The following HMG20A variants were observed in gnomAD, a reference collection of about 807,000 sequenced individuals.
HMG20A encodes high mobility group protein 20A.
In HMG20A, 17 loss-of-function variants were observed where a neutral mutation model predicts 43.9. The ratio of observed to expected loss-of-function variants is 0.39; its 90% CI spans 0.27 to 0.58. The LOEUF is 0.58. HMG20A is among the 20% of genes least tolerant of loss of function. The probability of loss-of-function intolerance (pLI) is 0.59; values close to 1 mark genes in which losing one functional copy is unlikely to be tolerated. For synonymous variants in HMG20A, 132 were observed against 147.5 expected (o/e 0.89, Z 0.76); for missense variants, 341 against 438.2 (o/e 0.78, Z 1.98).
In HMG20A at chr15:77,465,260, CAAAAAAAAAAAAAAAA is replaced by C. The variant is rs71145837; in HGVS notation, c.237+883_237+898del. Among the ~76,000 whole-genome samples the C allele has an allele frequency of 4.1e-3, 240 of 59,232 alleles. 4 individuals carry two copies. The highest frequency in any genetic ancestry group is 0.022 in the African/African-American group (233 of 10,708). 38.9% of individuals were successfully genotyped at this position (59,232 alleles called of 152,430 possible). A position where few individuals can be genotyped will look rare whatever the true frequency, so the allele number is the denominator to read the frequency against. On this transcript the variant is annotated intron_variant, in intron 3 of 9. Coordinates refer to ENST00000336216, the MANE Select transcript of HMG20A (RefSeq NM_001304504.2). ...TGGGCTACAGAGCGAGACTTCGTCT[CAAAAAAAAAAAAAAAA>C]AAAAAAAAAGAAAGAAAAAAACAAC...
intron 1 of HMG20A, among the ~76,000 whole-genome samples, chr15:77,435,764 A>G (rs934639176): frequency 6.6e-6 from 1 of 152,104 alleles, no homozygotes. Context: ...CATGTTGTCA[A>G]AAAACTTGGG....
At chr15:77,499,561 C>G in the HMG20A span, among the ~76,000 whole-genome samples, 2 of 152,098 alleles carry the variant, frequency 1.3e-5, no homozygotes, top group Non-Finnish European at 2.9e-5. Flanking sequence ...CCCTGGAATC[C>G]CCCTAACAGC....
chr15:77,448,554 C>G (rs1170521708), intron 1 of HMG20A, among the ~76,000 whole-genome samples: 1 of 152,154 alleles, frequency 6.6e-6, no homozygotes, highest in African/African-American at 2.4e-5. Flanking sequence ...TTTCCCTGCC[C>G]TGTTTTTTCT....
At position 77,471,090 on chromosome 15, in the gene HMG20A, G is replaced by A. The variant is rs574232101; in HGVS notation, c.583+48G>A. The A allele has an allele frequency of 4.1e-5, 65 of 1,581,938 alleles. 1 individual carries two copies. The highest frequency in any genetic ancestry group is 5.3e-5 in the Non-Finnish European group (62 of 1,167,144). ...TATTTGTAGTTTGTTGTGGGTGATG[G>A]AGTGTCATAAAGCCAACTGTTAAGA... On this transcript the variant is annotated intron_variant, in intron 5 of 9. Transcript: ENST00000336216.
At chr15:77,515,898 G>T in the HMG20A span, among the ~76,000 whole-genome samples, 1 of 152,084 alleles carries the variant, frequency 6.6e-6, no homozygotes, top group Non-Finnish European at 1.5e-5. Flanking sequence ...AGCAAGGCCA[G>T]ATCCGATTCA....
the HMG20A span, among the ~76,000 whole-genome samples, chr15:77,491,644 G>A: frequency 1.3e-5 from 2 of 152,220 alleles, no homozygotes; most frequent in Non-Finnish European, 2.9e-5. Flanking sequence ...TCAAACGGCT[G>A]TGAGCGCAGT....
chr15:77,449,843 C>T (rs757530260), intron 1 of HMG20A, among the ~76,000 whole-genome samples: 4 of 152,188 alleles, frequency 2.6e-5, no homozygotes, highest in Non-Finnish European at 4.4e-5. Context: ...GTCCATCACT[C>T]TTGGTGTTGG....
At chr15:77,457,387 A>T (rs1014949672) in intron 1 of HMG20A, among the ~76,000 whole-genome samples, 1 of 152,030 alleles carries the variant, frequency 6.6e-6, no homozygotes. Context: ...CAATTCTCCC[A>T]ATTGATTGAG....
the HMG20A span, among the ~76,000 whole-genome samples, chr15:77,503,756 C>T: frequency 6.6e-6 from 1 of 152,232 alleles, no homozygotes. Context: ...GTCTTTAAAT[C>T]ACCAGAGGAT....
At chr15:77,516,703 G>GA in the HMG20A span, among the ~76,000 whole-genome samples, 1 of 152,154 alleles carries the variant, frequency 6.6e-6, no homozygotes, top group African/African-American at 2.4e-5. Flanking sequence ...TTTGCGAAGA[G>GA]GGGAAGGCTA....
chr15:77,494,817 A>C, the HMG20A span, among the ~76,000 whole-genome samples: 1 of 152,250 alleles, frequency 6.6e-6, no homozygotes, highest in African/African-American at 2.4e-5. Flanking sequence ...TCATGCAGAG[A>C]GGTCTCACTC....
At chr15:77,495,956 T>C in the HMG20A span, among the ~76,000 whole-genome samples, 2 of 152,200 alleles carry the variant, frequency 1.3e-5, no homozygotes, top group African/African-American at 4.8e-5. Flanking sequence ...CCTCACGTCC[T>C]GAACCTCGCC....
At chr15:77,430,151 G>A (rs1214972580) in intron 1 of HMG20A, among the ~76,000 whole-genome samples, 13 of 152,164 alleles carry the variant, frequency 8.5e-5, no homozygotes, top group Admixed American at 8.5e-4. Flanking sequence ...GAATGTTTTT[G>A]TTATCAGACA....
chr15:77,487,990 G>C (rs2072954509), downstream of HMG20A, among the ~76,000 whole-genome samples: 1 of 152,182 alleles, frequency 6.6e-6, no homozygotes, highest in Non-Finnish European at 1.5e-5. Flanking sequence ...TGTGTCTACA[G>C]GGGGAAACTT....
chr15:77,478,542 CAG>C lies in HMG20A; in HGVS notation c.907+33_907+34del, dbSNP rs767003222. Reference sequence around the variant, plus strand: ...CCTCCTGCCTGAGAACTGTCAGTGACAGGGGTGTGTGTGTTGTGTGGAGTGGG... The same window carrying C: ...CCTCCTGCCTGAGAACTGTCAGTGACGGGTGTGTGTGTTGTGTGGAGTGGG... On this transcript the variant is annotated intron_variant, in intron 8 of 9. Transcript: ENST00000336216. 88 of 1,567,638 alleles carry C rather than the reference CAG, an allele frequency of 5.6e-5. 1 individual carries two copies. In the Middle Eastern group the frequency reaches 9.1e-4, roughly 16 times the overall value.
At chr15:77,496,780 T>A in the HMG20A span, among the ~76,000 whole-genome samples, 1 of 152,144 alleles carries the variant, frequency 6.6e-6, no homozygotes, top group Non-Finnish European at 1.5e-5. Context: ...TTGGCCGCCT[T>A]GGCAAGGCAA....
chr15:77,433,059 G>A (rs2073504591), intron 1 of HMG20A, among the ~76,000 whole-genome samples: 1 of 152,122 alleles, frequency 6.6e-6, no homozygotes, highest in South Asian at 2.1e-4. Context: ...TATCTGTTAA[G>A]TAAATTGAAT....
At chr15:77,482,171 A>C (rs2072910791) in intron 9 of HMG20A, 1 of 152,204 alleles carries the variant, frequency 6.6e-6, no homozygotes, top group Non-Finnish European at 1.5e-5. Context: ...GAAGAGGTGG[A>C]TGGGGGAAGG....
At chr15:77,478,592 T>A in intron 8 of HMG20A, 82 bp downstream of exon 8, 1 of 1,042,372 alleles carries the variant, frequency 9.6e-7, no homozygotes, top group Non-Finnish European at 1.4e-6. Flanking sequence ...TTAGTACTGG[T>A]GTGGAGAGAT....
Sources: gnomAD v4.1 joint callset for allele counts (sites outside exome capture counted in the v4.1 genomes callset) on GRCh38, gnomAD v4.1.1 for gene constraint, MANE v1.5 for transcripts, NCBI Gene and HGNC (gene_info 2026-07-23, HGNC 2026-07-21) for gene names.